Variants in RIPOR1 observed in about 807,000 individuals in gnomAD.
RIPOR1 encodes the protein rho family-interacting cell polarization regulator 1.
Under a neutral mutation model 116.5 loss-of-function variants are expected in RIPOR1, and 58 were observed. The observed-to-expected ratio is 0.50, with a 90% CI of 0.40 to 0.62. The LOEUF is 0.62. RIPOR1 is among the 20% of genes least tolerant of loss of function. The probability of loss-of-function intolerance (pLI) is 0.00; values close to 1 mark genes in which losing one functional copy is unlikely to be tolerated. For synonymous variants in RIPOR1, 605 were observed against 650.0 expected (o/e 0.93, Z 1.05); for missense variants, 1,372 against 1,586.2 (o/e 0.86, Z 2.29).
At chr16:67,538,347 C>A in intron 1 of RIPOR1, 77 bp from the exon 2 acceptor site, 1 of 1,494,054 alleles carries the variant, frequency 6.7e-7, no homozygotes, top group Non-Finnish European at 9.0e-7. Flanking sequence ...AAGACCTGCG[C>A]CAGCCCTGGA....
At position 67,545,920 on chromosome 16, in the gene RIPOR1, G is replaced by C. The variant is rs2142634703; in HGVS notation, c.3388-29G>C. On this transcript the variant is annotated intron_variant, in intron 19 of 21. Transcript: ENST00000042381. This position sits in a 1 kb window ranked among gnomAD's most constrained non-coding sequence, Gnocchi z 4.8. ...TGGGGTCCTGGACTCCCACTGTCTG[G>C]CTAAGTCTGTCCTCCCACCCTTCCA... 1 of 1,613,604 alleles carries C rather than the reference G, an allele frequency of 6.2e-7. No homozygotes were observed. The highest frequency in any genetic ancestry group is 2.2e-5 in the East Asian group (1 of 44,872).
Position 67,542,875 on chromosome 16 carries a change from AC to A in RIPOR1, c.2092del (p.Leu698SerfsTer55), listed in dbSNP as rs747413232. Reference sequence around the variant, plus strand: ...CAGCCCCTCCAAACACTCAGACCCCACCCTCCCAGGCACTGACTCCCTTCCC... The same window carrying A: ...CAGCCCCTCCAAACACTCAGACCCCACCTCCCAGGCACTGACTCCCTTCCC... Reference protein sequence around the residue: ...LSSPSKHSDPTLPGTDSLPCS... With the variant: ...LSSPSKHSDPXLPGTDSLPCS... On this transcript the variant is annotated frameshift_variant, in exon 13 of 22. Coordinates refer to ENST00000042381, the MANE Select transcript of RIPOR1 (RefSeq NM_024519.4). LOFTEE classifies it high-confidence loss of function. This position sits in a 1 kb window ranked among gnomAD's most constrained non-coding sequence, Gnocchi z 4.6. 1 of 1,608,060 alleles carries A rather than the reference AC, an allele frequency of 6.2e-7. No homozygotes were observed. Among genetic ancestry groups the A allele is most frequent in the South Asian group, 1.1e-5 (1 of 90,638 alleles).
chr16:67,540,269 A>AC lies in RIPOR1; in HGVS notation c.568-26dup, dbSNP rs752985038. On this transcript the variant is annotated intron_variant, in intron 7 of 21. Transcript: ENST00000042381. This position sits in a 1 kb window ranked among gnomAD's most constrained non-coding sequence, Gnocchi z 4.7. ...TGGCAGGGCTAGTGGCTGGCCCTTGACCCCCTCCTGTCCCTGCCCCTCCCT... is the reference window on the plus strand; with the variant it reads ...TGGCAGGGCTAGTGGCTGGCCCTTGACCCCCCTCCTGTCCCTGCCCCTCCCT... 2 of 1,612,474 alleles carry AC rather than the reference A, an allele frequency of 1.2e-6. No individual in the cohort carries two copies. The highest frequency in any genetic ancestry group is 1.7e-6 in the Non-Finnish European group (2 of 1,179,476).
In RIPOR1 at chr16:67,544,657, C is replaced by T. The variant is rs372936979; in HGVS notation, c.2734-38C>T. 32 of 1,610,104 alleles carry T rather than the reference C, an allele frequency of 2.0e-5. No individual in the cohort carries two copies. The highest frequency in any genetic ancestry group is 2.7e-5 in the Non-Finnish European group (32 of 1,179,872). On this transcript the variant is annotated intron_variant, in intron 15 of 21. Coordinates refer to ENST00000042381, the MANE Select transcript of RIPOR1 (RefSeq NM_024519.4). This position sits in a 1 kb window ranked among gnomAD's most constrained non-coding sequence, Gnocchi z 5.1. ...TGAGCACGATCCTCCCGAGCCCTAC[C>T]CTGAGGCCTGAGCTACTTGGCCACC...
intron 1 of RIPOR1, among the ~76,000 whole-genome samples, chr16:67,520,238 G>A (rs1289692887): frequency 4.6e-5 from 7 of 151,606 alleles, no homozygotes; most frequent in South Asian, 2.1e-4. Flanking sequence ...AAATTTAGCC[G>A]GGCATGGTTG....
chr16:67,520,932 C>G (rs2050490503), intron 1 of RIPOR1, among the ~76,000 whole-genome samples: 1 of 152,116 alleles, frequency 6.6e-6, no homozygotes, highest in African/African-American at 2.4e-5. Flanking sequence ...AAGGACGCTT[C>G]AGAAGATGGG....
intron 1 of RIPOR1, among the ~76,000 whole-genome samples, chr16:67,532,274 C>A (rs527593920): frequency 6.6e-6 from 1 of 152,156 alleles, no homozygotes; most frequent in East Asian, 1.9e-4. Context: ...CATGGTGGTG[C>A]ATGCCTGTGG....
At chr16:67,520,423 GAGAGAAGAGAAGATA>G (rs1046297093) in intron 1 of RIPOR1, among the ~76,000 whole-genome samples, 3 of 142,526 alleles carry the variant, frequency 2.1e-5, no homozygotes, top group East Asian at 2.0e-4. Context: ...GGATGGAAAA[GAGAGAAGAGAAGATA>G]AGAGAAGAGA....
chr16:67,523,713 C>A (rs1319170747), intron 1 of RIPOR1, among the ~76,000 whole-genome samples: 1 of 150,598 alleles, frequency 6.6e-6, no homozygotes, highest in South Asian at 2.1e-4. Context: ...CAGGGTCTCG[C>A]TCTGTTGCCC....
In RIPOR1 at chr16:67,539,023, G is replaced by A; in HGVS notation, c.291G>A (p.Glu97=). The change falls in exon 4 of 22, where the codon GAG becomes GAA. Residue 97 remains glutamate, a synonymous_variant. Coordinates refer to ENST00000042381, the MANE Select transcript of RIPOR1 (RefSeq NM_024519.4). ...TGGAAGTGCACCAGCAGGAGCAAGA[G>A]AAACTCCAGGGGCAGATAAGGGAGT... is the stretch of plus-strand genomic sequence containing the variant. ...AYLEVHQQEQ[E]KLQGQIRESK... 1 of 1,613,584 alleles carries A rather than the reference G, an allele frequency of 6.2e-7. No individual in the cohort carries two copies. The highest frequency in any genetic ancestry group is 8.5e-7 in the Non-Finnish European group (1 of 1,179,856).
chr16:67,532,833 C>T (rs11863278), intron 1 of RIPOR1, among the ~76,000 whole-genome samples: 6,353 of 152,274 alleles, frequency 0.042, 447 homozygotes, highest in African/African-American at 0.14. Context: ...CAGTTTTTGG[C>T]ACTGTCAAGT....
chr16:67,538,723 C>G lies in RIPOR1; in HGVS notation c.156C>G (p.Leu52=), dbSNP rs759736492. Residue 52 remains leucine (L), a synonymous_variant, in exon 3 of 22, where the codon CTC becomes CTG. Coordinates refer to ENST00000042381, the MANE Select transcript of RIPOR1 (RefSeq NM_024519.4). ...PPGPPRKPPA[L]SRVSRMFSVA... ...GGCCCCCACGGAAGCCCCCCGCGCT[C>G]TCCCGAGTGTCCAGGATGTTTTCCG... is the stretch of plus-strand genomic sequence containing the variant. 3.7e-6 allele frequency: 6 copies of G among 1,613,436 alleles called. No individual in the cohort carries two copies. The South Asian group carries it at 5.5e-5, about 15-fold the overall frequency.
In RIPOR1 at chr16:67,540,796, TCATAGCTC is replaced by T; in HGVS notation, c.801+99_801+106del. Reference sequence around the variant, plus strand: ...TGAGTCCCTTACTCCTGTGATCCCCTCATAGCTCCATAGCCCTGTGAAGATATGATTCC... The same window carrying T: ...TGAGTCCCTTACTCCTGTGATCCCCTCATAGCCCTGTGAAGATATGATTCC... On this transcript the variant is annotated intron_variant, in intron 10 of 21. Coordinates refer to ENST00000042381, the MANE Select transcript of RIPOR1 (RefSeq NM_024519.4). The surrounding 1 kb of genome is among the most constrained non-coding windows in gnomAD (Gnocchi z 4.7). 1.6e-6 allele frequency: 2 copies of T among 1,264,090 alleles called. No individual in the cohort carries two copies. Among genetic ancestry groups the T allele is most frequent in the Non-Finnish European group, 2.2e-6 (2 of 902,978 alleles). The allele number at this position is 1,264,090 out of a possible 1,614,324, so 78.3% of individuals were successfully genotyped here. A position where few individuals can be genotyped will look rare whatever the true frequency, so the allele number is the denominator to read the frequency against.
chr16:67,546,110 G>A (rs746039050), intron 20 of RIPOR1, 31 bp from the exon 21 acceptor site: 1 of 1,604,900 alleles, frequency 6.2e-7, no homozygotes, highest in Non-Finnish European at 8.5e-7. Flanking sequence ...CTGCTCCCCT[G>A]AGCCCACCTC....
intron 1 of RIPOR1, among the ~76,000 whole-genome samples, chr16:67,518,905 G>C (rs1190464503): frequency 6.6e-6 from 1 of 152,236 alleles, no homozygotes; most frequent in African/African-American, 2.4e-5. Context: ...CTGCGGTCCA[G>C]GAAACTGTCT....
rs1286559953 is a variant in RIPOR1 at position 67,545,126 on chromosome 16, G to A, written c.3031+9G>A. The A allele has an allele frequency of 6.2e-7, 1 of 1,610,496 alleles. No homozygotes were observed. The highest frequency in any genetic ancestry group is 1.1e-5 in the South Asian group (1 of 91,084). On this transcript the variant is annotated intron_variant, in intron 17 of 21. Coordinates refer to ENST00000042381, the MANE Select transcript of RIPOR1 (RefSeq NM_024519.4). This position sits in a 1 kb window ranked among gnomAD's most constrained non-coding sequence, Gnocchi z 4.8. ...AGGCTTGGCTGAGGCTGGTGAGTGGGCTGCTTCCTCCTTCCACCCTTGCTC... is the reference window on the plus strand; with the variant it reads ...AGGCTTGGCTGAGGCTGGTGAGTGGACTGCTTCCTCCTTCCACCCTTGCTC...
rs1269471375 is a variant in RIPOR1, at chr16:67,544,197, ATCT to A, written c.2601-96_2601-94del. ...CCCCACTGTCTGCTGTCGGTGCATC[ATCT>A]TCTTCCTTTCTGGCATGGGGGAAGC... On this transcript the variant is annotated intron_variant, in intron 14 of 21. Coordinates refer to ENST00000042381, the MANE Select transcript of RIPOR1 (RefSeq NM_024519.4). The surrounding 1 kb of genome is among the most constrained non-coding windows in gnomAD (Gnocchi z 5.1). 1.7e-5 allele frequency: 24 copies of A among 1,449,808 alleles called. No homozygotes were observed. The highest frequency in any genetic ancestry group is 2.1e-5 in the Non-Finnish European group (22 of 1,071,460). 89.8% of individuals were successfully genotyped at this position (1,449,808 alleles called of 1,614,324 possible).
In RIPOR1 at chr16:67,539,052, A is replaced by G. The variant is rs2050893770; in HGVS notation, c.320A>G (p.Lys107Arg). 2 of 1,612,968 alleles carry G rather than the reference A, an allele frequency of 1.2e-6. No homozygotes were observed. The highest frequency in any genetic ancestry group is 2.7e-5 in the African/African-American group (2 of 74,852). ...CTCCAGGGGCAGATAAGGGAGTCCA[A>G]GAGGAATTCCCGCTTGGTGAGTGGC... The part of the protein sequence containing the change: ...EKLQGQIRES[K>R]RNSRLGFLYD... The change falls in exon 4 of 22, where the codon AAG becomes AGG. Residue 107 changes from lysine to arginine, a missense_variant. By Grantham distance (26) the Lys-to-Arg change is conservative. Coordinates refer to ENST00000042381, the MANE Select transcript of RIPOR1 (RefSeq NM_024519.4).
Position 67,531,576 on chromosome 16 carries a change from G to A in RIPOR1, c.-24+2662G>A, listed in dbSNP as rs990977656. On this transcript the variant is annotated intron_variant, in intron 1 of 21. Transcript: ENST00000042381. The surrounding 1 kb of genome is among the most constrained non-coding windows in gnomAD (Gnocchi z 4.2). ...AGAGGGACTTGGGGCTGAGTAGTGG[G>A]AAGAAGGAATAGGAGCGATGGGGGC... The A allele has an allele frequency of 2.2e-6, 1 of 453,774 alleles. No individual in the cohort carries two copies. The highest frequency in any genetic ancestry group is 4.4e-6 in the Non-Finnish European group (1 of 225,762). The allele number at this position is 453,774 out of a possible 1,614,324, so 28.1% of individuals were successfully genotyped here.
Sources: allele counts gnomAD v4.1 joint callset (sites outside exome capture counted in the v4.1 genomes callset), GRCh38; gene constraint gnomAD v4.1.1; non-coding constraint Gnocchi (gnomAD v3.1); transcripts MANE v1.5; gene names NCBI Gene and HGNC (gene_info 2026-07-23, HGNC 2026-07-21).